OSBPL10: variants seen among roughly 807,000 people sequenced by gnomAD.
OSBPL10 encodes the protein oxysterol binding protein like 10.
Under a neutral mutation model 81.7 loss-of-function variants are expected in OSBPL10, and 49 were observed. That is an observed-to-expected ratio of 0.60 (90% CI 0.48 to 0.76). The LOEUF (loss-of-function observed/expected upper bound fraction) is 0.76, where lower values mean the gene tolerates loss of function less well. OSBPL10 is among the 30% of genes least tolerant of loss of function. The pLI is 0.00. For missense variants in OSBPL10, 923 were observed against 987.8 expected (o/e 0.93, Z 0.88); for synonymous variants, 419 against 383.6 (o/e 1.09, Z -1.08).
Position 32,065,941 on chromosome 3 carries a change from AAAG to A in OSBPL10, n.185+11452_185+11454del, listed in dbSNP as rs1182371388. Among the ~76,000 whole-genome samples the A allele has an allele frequency of 4.1e-5, 2 of 48,632 alleles. 1 individual carries two copies. The allele number at this position is 48,632 out of a possible 152,430, so 31.9% of individuals were successfully genotyped here. On this transcript the variant is annotated intron_variant and non_coding_transcript_variant, in intron 1 of 3. Coordinates refer to the OSBPL10 transcript ENST00000479173. ...AGGAAGAAAGAAAGAAGGAAAGAAG[AAAG>A]AAGAAAGAAAGAAAGAAAGAAAGAA...
At chr3:31,948,886 A>G (rs906706548) in intron 1 of OSBPL10, among the ~76,000 whole-genome samples, 3 of 152,208 alleles carry the variant, frequency 2.0e-5, no homozygotes, top group Admixed American at 6.5e-5. Context: ...GAGTACCTCT[A>G]TGGTAATGCA....
intron 2 of OSBPL10, among the ~76,000 whole-genome samples, chr3:32,019,796 G>T (rs900188283): frequency 2.6e-5 from 4 of 152,132 alleles, no homozygotes; most frequent in African/African-American, 9.7e-5. Flanking sequence ...TCTTTATTTG[G>T]CTCCATGATC....
intron 4 of OSBPL10, among the ~76,000 whole-genome samples, chr3:31,777,837 G>A (rs1028044471): frequency 2.0e-5 from 3 of 152,356 alleles, no homozygotes; most frequent in Admixed American, 6.5e-5. Flanking sequence ...AAGCAGCAGT[G>A]AGAAGAGCCT....
At chr3:32,052,481 T>C (rs1243721129) in intron 1 of OSBPL10, among the ~76,000 whole-genome samples, 1 of 152,096 alleles carries the variant, frequency 6.6e-6, no homozygotes, top group African/African-American at 2.4e-5. Flanking sequence ...TATAAATCAT[T>C]CTACTATAAA....
chr3:31,912,005 A>G (rs937399977), intron 1 of OSBPL10, among the ~76,000 whole-genome samples: 1 of 152,194 alleles, frequency 6.6e-6, no homozygotes, highest in South Asian at 2.1e-4. Flanking sequence ...AACAATGTGA[A>G]TGTACTTAAT....
At chr3:31,691,014 C>T (rs1695524451) in intron 7 of OSBPL10, among the ~76,000 whole-genome samples, 1 of 151,884 alleles carries the variant, frequency 6.6e-6, no homozygotes, top group Non-Finnish European at 1.5e-5. Context: ...GTGGTGAGTA[C>T]TAATTGGGTT....
intron 2 of OSBPL10, among the ~76,000 whole-genome samples, chr3:32,034,062 G>A (rs1699497754): frequency 6.6e-6 from 1 of 152,168 alleles, no homozygotes. Context: ...GATGGAGTGA[G>A]TGCAAGCAGG....
chr3:31,772,110 C>T (rs1288116115), intron 4 of OSBPL10, among the ~76,000 whole-genome samples: 1 of 152,150 alleles, frequency 6.6e-6, no homozygotes, highest in Non-Finnish European at 1.5e-5. Context: ...AAAGTCTCCA[C>T]AAACACTGAA....
chr3:31,743,664 A>AT (rs1330161695), intron 5 of OSBPL10, among the ~76,000 whole-genome samples: 1 of 139,428 alleles, frequency 7.2e-6, no homozygotes, highest in Non-Finnish European at 1.7e-5. Context: ...GGACAGAAGG[A>AT]AAAAAAAACA....
At chr3:31,922,500 C>T (rs1320854652) in intron 1 of OSBPL10, among the ~76,000 whole-genome samples, 3 of 152,104 alleles carry the variant, frequency 2.0e-5, no homozygotes, top group East Asian at 1.9e-4. Context: ...TGCTTGTAAT[C>T]CCAGTTACTC....
At chr3:31,921,415 A>G (rs1422919688) in intron 1 of OSBPL10, among the ~76,000 whole-genome samples, 1 of 152,176 alleles carries the variant, frequency 6.6e-6, no homozygotes, top group Non-Finnish European at 1.5e-5. Flanking sequence ...GGTCTAGAGC[A>G]TCTTGTAGTA....
At chr3:31,789,214 A>G (rs182641432) in intron 4 of OSBPL10, among the ~76,000 whole-genome samples, 5 of 152,230 alleles carry the variant, frequency 3.3e-5, no homozygotes, top group African/African-American at 1.2e-4. Flanking sequence ...GTGAGCCACC[A>G]TGTCCGGCTA....
At chr3:31,760,388 C>T (rs912364783) in intron 4 of OSBPL10, among the ~76,000 whole-genome samples, 6 of 152,190 alleles carry the variant, frequency 3.9e-5, no homozygotes, top group Non-Finnish European at 8.8e-5. Context: ...CAGGACTCCG[C>T]CTGGATATCA....
chr3:32,004,701 A>G (rs926983693), intron 2 of OSBPL10, among the ~76,000 whole-genome samples: 7 of 152,238 alleles, frequency 4.6e-5, no homozygotes, highest in African/African-American at 1.7e-4. Flanking sequence ...CAAGAGAACA[A>G]CAGAGAAGAA....
At chr3:32,047,523 C>T (rs1046050923) in intron 1 of OSBPL10, among the ~76,000 whole-genome samples, 2 of 152,024 alleles carry the variant, frequency 1.3e-5, no homozygotes, top group Non-Finnish European at 1.5e-5. Flanking sequence ...ACTGTCATGG[C>T]GCTGGTAGGG....
chr3:31,743,065 G>A (rs1365254991), intron 5 of OSBPL10, among the ~76,000 whole-genome samples: 17 of 115,804 alleles, frequency 1.5e-4, no homozygotes, highest in African/African-American at 4.7e-4. Flanking sequence ...TTTTTAGAGA[G>A]AGTCTTGCTC....
At chr3:31,778,272 G>A (rs1424602059) in intron 4 of OSBPL10, among the ~76,000 whole-genome samples, 2 of 152,148 alleles carry the variant, frequency 1.3e-5, no homozygotes, top group Non-Finnish European at 2.9e-5. Context: ...AGTGACAGAG[G>A]CAGCCATAAT....
intron 1 of OSBPL10, among the ~76,000 whole-genome samples, chr3:31,913,275 GTCTC>G (rs954712618): frequency 6.6e-6 from 1 of 150,784 alleles, no homozygotes; most frequent in Non-Finnish European, 1.5e-5. Flanking sequence ...TTAAGATGGA[GTCTC>G]TCTCTGTCGC....
intron 1 of OSBPL10, among the ~76,000 whole-genome samples, chr3:31,906,611 T>C (rs1234202238): frequency 2.6e-5 from 4 of 152,164 alleles, no homozygotes; most frequent in African/African-American, 7.2e-5. Context: ...TCCCAATCAA[T>C]CAGGATTTGA....
Sources: gnomAD v4.1 joint callset for allele counts (sites outside exome capture counted in the v4.1 genomes callset) on GRCh38, gnomAD v4.1.1 for gene constraint, MANE v1.5 for transcripts, NCBI Gene and HGNC (gene_info 2026-07-23, HGNC 2026-07-21) for gene names.